The following SH3KBP1 variants were observed in gnomAD, a reference collection of about 807,000 sequenced individuals.
SH3KBP1 encodes the protein SH3 domain containing kinase binding protein 1.
In SH3KBP1, 8 loss-of-function variants were observed where a neutral mutation model predicts 50.1. That is an observed-to-expected ratio of 0.16 (90% CI 0.09 to 0.29). The LOEUF (loss-of-function observed/expected upper bound fraction) is 0.29. Among genes scored for constraint, SH3KBP1 ranks in the 10% least tolerant of loss-of-function variants. The pLI is 1.00. For missense variants in SH3KBP1, 377 were observed against 535.2 expected, an observed-to-expected ratio of 0.70 and a Z score of 2.92; for synonymous variants, 227 against 218.6, an observed-to-expected ratio of 1.04 and a Z score of -0.34.
chrX:19,619,208 G>A (rs4825308), intron 8 of SH3KBP1, among the ~76,000 whole-genome samples: 20,690 of 110,406 alleles, frequency 0.19, 1,676 homozygotes, highest in African/African-American at 0.29. Context: ...CCCAGGAGGC[G>A]GAGATTGCAG....
At chrX:19,634,174 C>CAGA (rs1556037313) in intron 7 of SH3KBP1, among the ~76,000 whole-genome samples, 3 of 98,652 alleles carry the variant, frequency 3.0e-5, no homozygotes, top group African/African-American at 1.1e-4. Context: ...CATGGAGAGA[C>CAGA]AGAGAGAGAG....
intron 1 of SH3KBP1, among the ~76,000 whole-genome samples, chrX:19,853,701 G>A (rs1569489005): frequency 1.8e-5 from 2 of 110,758 alleles, no homozygotes; most frequent in Non-Finnish European, 3.8e-5. Flanking sequence ...AGTGGCTCAC[G>A]CCTGTAATCC....
At chrX:19,584,046 ATTC>A (rs1317635228) in intron 12 of SH3KBP1, among the ~76,000 whole-genome samples, 2 of 91,917 alleles carry the variant, frequency 2.2e-5, no homozygotes, top group Non-Finnish European at 4.0e-5. Flanking sequence ...TATTTGTAAT[ATTC>A]TTTTCTATAT....
chrX:19,751,579 T>C lies in SH3KBP1; in HGVS notation c.163-5138A>G, dbSNP rs1290379694. ...CAGAAAGCAAAGGAAACCCAGCTTC[T>C]CTTTATCTCAGATCTGATCTCTTTA... On this transcript the variant is annotated intron_variant, in intron 2 of 17. Transcript: ENST00000397821. Among the ~76,000 whole-genome samples the C allele has an allele frequency of 1.2e-4, 13 of 111,816 alleles. No individual in the cohort carries two copies. The Admixed American group carries it at 1.2e-3, about 11-fold the overall frequency.
rs397973698 is a variant in SH3KBP1 at position 19,670,839 on chromosome X, C to CAAAA, written c.726+12980_726+12983dup. The CAAAA allele has an allele frequency of 3.6e-5, 36 of 991,826 alleles. No individual in the cohort carries two copies. In the African/African-American group the frequency reaches 9.0e-4, roughly 25 times the overall value. 81.7% of individuals were successfully genotyped at this position (991,826 alleles called of 1,213,427 possible). A position where few individuals can be genotyped will look rare whatever the true frequency, so the allele number is the denominator to read the frequency against. On this transcript the variant is annotated intron_variant, in intron 6 of 17. Coordinates refer to ENST00000397821, the MANE Select transcript of SH3KBP1 (RefSeq NM_031892.3). ...ACTGGATTTATTACAACTCTAAAAGCAAAAAAAAAAAAAAAGAAATACCTC... is the reference window on the plus strand; with the variant it reads ...ACTGGATTTATTACAACTCTAAAAGCAAAAAAAAAAAAAAAAAAAGAAATACCTC...
At chrX:19,868,608 T>G (rs1362928891) in intron 1 of SH3KBP1, among the ~76,000 whole-genome samples, 1 of 104,715 alleles carries the variant, frequency 9.5e-6, no homozygotes, top group South Asian at 4.6e-4. Flanking sequence ...GCTTCTCAAC[T>G]AACCACAGGG....
chrX:19,761,308 G>A (rs2065422504), intron 2 of SH3KBP1, among the ~76,000 whole-genome samples: 1 of 85,305 alleles, frequency 1.2e-5, no homozygotes, highest in Admixed American at 1.3e-4. Context: ...AGAGAGGGAG[G>A]GACGAAGAGG....
chrX:19,695,880 C>A, intron 4 of SH3KBP1, 139 bp from the exon 5 acceptor site: 6 of 513,151 alleles, frequency 1.2e-5, no homozygotes, highest in Admixed American at 1.1e-4. Flanking sequence ...TAACAGGGAA[C>A]AAGAAAAAAA....
chrX:19,879,944 C>T (rs929619748), intron 1 of SH3KBP1, among the ~76,000 whole-genome samples: 1 of 112,234 alleles, frequency 8.9e-6, no homozygotes, highest in Non-Finnish European at 1.9e-5. Flanking sequence ...GTGCGGGGGG[C>T]GGCTGGCCTG....
At chrX:19,793,313 A>AAAAAAT (rs1418807395) in intron 2 of SH3KBP1, among the ~76,000 whole-genome samples, 29 of 96,968 alleles carry the variant, frequency 3.0e-4, no homozygotes, top group African/African-American at 5.1e-4. Flanking sequence ...AGGAAAAAAA[A>AAAAAAT]ATATATATAT....
chrX:19,776,532 G>GTTT (rs72090569), intron 2 of SH3KBP1, among the ~76,000 whole-genome samples: 3 of 25,681 alleles, frequency 1.2e-4, no homozygotes, highest in Non-Finnish European at 1.9e-4. Flanking sequence ...TGACAACCTG[G>GTTT]TTTTTTTTTT....
At chrX:19,827,839 T>C (rs1371022883) in intron 2 of SH3KBP1, among the ~76,000 whole-genome samples, 2 of 100,919 alleles carry the variant, frequency 2.0e-5, no homozygotes, top group African/African-American at 7.3e-5. Flanking sequence ...CATCCTAGTT[T>C]TTCCTATTAT....
chrX:19,824,737 T>C (rs771013413), intron 2 of SH3KBP1, among the ~76,000 whole-genome samples: 2 of 111,564 alleles, frequency 1.8e-5, no homozygotes, highest in South Asian at 7.4e-4. Flanking sequence ...ATCACCACGA[T>C]CAACTCAGTC....
intron 2 of SH3KBP1, among the ~76,000 whole-genome samples, chrX:19,827,777 C>T (rs2067726919): frequency 1.1e-5 from 1 of 93,426 alleles, no homozygotes; most frequent in South Asian, 5.0e-4. Flanking sequence ...CCCAGAAGTG[C>T]AGTCTTTTTT....
intron 6 of SH3KBP1, among the ~76,000 whole-genome samples, chrX:19,648,480 G>A (rs764648265): frequency 9.2e-6 from 1 of 109,075 alleles, no homozygotes; most frequent in South Asian, 4.1e-4. Context: ...GGGAAGGAAG[G>A]AAAGAAAGGA....
Position 19,536,668 on chromosome X carries a change from T to G in SH3KBP1, c.1957-210A>C, listed in dbSNP as rs916318924. ...ACAGACACGAGGCACTAGGAAATGGTGCACATTTTGATTCTCAGGCTGCCA... is the reference window on the plus strand; with the variant it reads ...ACAGACACGAGGCACTAGGAAATGGGGCACATTTTGATTCTCAGGCTGCCA... On this transcript the variant is annotated intron_variant, in intron 17 of 17. Transcript: ENST00000397821. Among the ~76,000 whole-genome samples, 12 of 111,984 alleles carry G rather than the reference T, an allele frequency of 1.1e-4. No individual in the cohort carries two copies. In the South Asian group the frequency reaches 1.5e-3, roughly 14 times the overall value.
In SH3KBP1 at chrX:19,657,727, A is replaced by AAAT. The variant is rs766687828; in HGVS notation, c.727-12255_727-12253dup. On this transcript the variant is annotated intron_variant, in intron 6 of 17. Transcript: ENST00000397821. ...TGGCAACAGAGCGAGACTCCATCTA[A>AAAT]AATAATAATAATAATAATAATAATA... Among the ~76,000 whole-genome samples, 549 of 107,914 alleles carry AAAT rather than the reference A, an allele frequency of 5.1e-3. 2 individuals are homozygous for AAAT. Among genetic ancestry groups the AAAT allele is most frequent in the Middle Eastern group, 0.019 (4 of 212 alleles). 93.7% of individuals were successfully genotyped at this position (107,914 alleles called of 115,157 possible).
At chrX:19,769,328 T>C (rs1353356573) in intron 2 of SH3KBP1, among the ~76,000 whole-genome samples, 2 of 109,485 alleles carry the variant, frequency 1.8e-5, no homozygotes, top group East Asian at 2.8e-4. Context: ...GGTCTTGAAC[T>C]CCTGGACTCA....
At chrX:19,744,962 G>A (rs896968502) in intron 3 of SH3KBP1, among the ~76,000 whole-genome samples, 1 of 112,361 alleles carries the variant, frequency 8.9e-6, no homozygotes. Context: ...AGGCCTTGCC[G>A]CTGGTCAACA....
Sources: gnomAD v4.1 joint callset for allele counts (sites outside exome capture counted in the v4.1 genomes callset) on GRCh38, gnomAD v4.1.1 for gene constraint, MANE v1.5 for transcripts, NCBI Gene and HGNC (gene_info 2026-07-23, HGNC 2026-07-21) for gene names.